The following CEP350 variants were observed in gnomAD, a reference collection of about 807,000 sequenced individuals.
CEP350 encodes centrosome-associated protein 350.
Under a neutral mutation model 331.8 loss-of-function variants are expected in CEP350, and 126 were observed. The observed-to-expected ratio is 0.38, with a 90% CI of 0.33 to 0.44. The LOEUF (loss-of-function observed/expected upper bound fraction) is 0.44, where lower values mean the gene tolerates loss of function less well. CEP350 is among the 20% of genes least tolerant of loss of function. The probability of loss-of-function intolerance (pLI) is 1.00; values close to 1 mark genes in which losing one functional copy is unlikely to be tolerated. For synonymous variants in CEP350, 1,200 were observed against 1,259.5 expected (o/e 0.95, Z 1.00); for missense variants, 3,406 against 3,634.6 (o/e 0.94, Z 1.62).
intron 5 of CEP350, among the ~76,000 whole-genome samples, chr1:179,992,840 T>C (rs1300736038): frequency 6.6e-6 from 1 of 152,234 alleles, no homozygotes; most frequent in Non-Finnish European, 1.5e-5. Context: ...ACTTTACTAA[T>C]GATTTCAGTG....
intron 11 of CEP350, 65 bp from the exon 12 acceptor site, chr1:180,019,884 A>T (rs1450802560): frequency 7.0e-7 from 1 of 1,438,796 alleles, no homozygotes; most frequent in Non-Finnish European, 9.3e-7. Flanking sequence ...TTATAATCAG[A>T]TAAAAAAAAA....
intron 5 of CEP350, among the ~76,000 whole-genome samples, chr1:179,993,743 T>A (rs1426272701): frequency 2.0e-5 from 3 of 152,134 alleles, no homozygotes; most frequent in African/African-American, 7.2e-5. Flanking sequence ...GCGGCTGGCC[T>A]GTAAATTATG....
At chr1:180,017,369 A>G (rs1398619128) in intron 11 of CEP350, among the ~76,000 whole-genome samples, 1 of 152,098 alleles carries the variant, frequency 6.6e-6, no homozygotes, top group African/African-American at 2.4e-5. Flanking sequence ...CTATTTATTT[A>G]CTTATTTTTC....
intron 28 of CEP350, among the ~76,000 whole-genome samples, chr1:180,075,457 A>G (rs1659159053): frequency 6.6e-6 from 1 of 152,088 alleles, no homozygotes; most frequent in African/African-American, 2.4e-5. Context: ...GTGGTGGTAC[A>G]TGCCTATAGT....
At chr1:180,072,212 AT>A (rs1209208767) in intron 27 of CEP350, among the ~76,000 whole-genome samples, 9 of 152,026 alleles carry the variant, frequency 5.9e-5, no homozygotes, top group African/African-American at 1.9e-4. Context: ...TTTTTAAACT[AT>A]TTTCATTTTC....
chr1:180,050,852 G>A (rs1382441710), intron 22 of CEP350, among the ~76,000 whole-genome samples: 1 of 152,038 alleles, frequency 6.6e-6, no homozygotes, highest in Non-Finnish European at 1.5e-5. Context: ...ATTACAAGAT[G>A]CCATAACACA....
chr1:179,994,987 A>T (rs895811824), intron 5 of CEP350, among the ~76,000 whole-genome samples: 1 of 152,216 alleles, frequency 6.6e-6, no homozygotes, highest in Non-Finnish European at 1.5e-5. Flanking sequence ...TCAGTGCTAT[A>T]CAATAGAACC....
intron 6 of CEP350, among the ~76,000 whole-genome samples, chr1:180,002,693 A>G (rs1198534342): frequency 6.6e-6 from 1 of 152,212 alleles, no homozygotes; most frequent in African/African-American, 2.4e-5. Context: ...GAAAAAACCC[A>G]AATGTCTATC....
chr1:179,994,155 T>A (rs1232428871), intron 5 of CEP350, among the ~76,000 whole-genome samples: 2 of 152,236 alleles, frequency 1.3e-5, no homozygotes, highest in African/African-American at 4.8e-5. Flanking sequence ...CATCCTTATA[T>A]GTATTCAGTA....
At chr1:179,997,258 A>G in intron 6 of CEP350, 83 bp downstream of exon 6, 4 of 1,441,270 alleles carry the variant, frequency 2.8e-6, no homozygotes, top group Non-Finnish European at 3.7e-6. Flanking sequence ...AGAGAGGATC[A>G]CCTTTAGAAC....
In CEP350 at chr1:180,020,023, C is replaced by A. The variant is rs745628557; in HGVS notation, c.2249C>A (p.Pro750His). Residue 750 changes from proline (P) to histidine (H), a missense_variant, in exon 12 of 38, where the codon CCT (proline) becomes CAT (histidine). By Grantham distance (77) the Pro-to-His change is moderately conservative (BLOSUM62 -2). Transcript: ENST00000367607. ...SPQVHHSQPQPFAGTAGSLLS... is the reference protein window; with the variant it reads ...SPQVHHSQPQHFAGTAGSLLS... Reference sequence around the variant, plus strand: ...CAAGTTCACCATTCTCAACCACAGCCTTTTGCTGGAACAGCTGGAAGTTTA... The same window carrying A: ...CAAGTTCACCATTCTCAACCACAGCATTTTGCTGGAACAGCTGGAAGTTTA... 2 of 1,613,842 alleles carry A rather than the reference C, an allele frequency of 1.2e-6. No individual in the cohort carries two copies. Among genetic ancestry groups the A allele is most frequent in the Admixed American group, 3.3e-5 (2 of 59,998 alleles).
intron 1 of CEP350, among the ~76,000 whole-genome samples, chr1:179,972,716 G>A (rs1265321117): frequency 6.6e-6 from 1 of 151,992 alleles, no homozygotes; most frequent in Non-Finnish European, 1.5e-5. Context: ...AAGCTGCCAG[G>A]AGGTCAAGTA....
Position 180,003,234 on chromosome 1 carries a change from A to C in CEP350, c.1079A>C (p.Glu360Ala), listed in dbSNP as rs1333534928. The C allele has an allele frequency of 1.9e-6, 3 of 1,613,248 alleles. No individual in the cohort carries two copies. In the African/African-American group the frequency reaches 4.0e-5, roughly 22 times the overall value. ...GATGGGAAAGTGTGGCAGGAGGCTG[A>C]GTTTCAAAACATGAGTAGAGAACTG... ...TPDGKVWQEA[E>A]FQNMSRELYR... is the part of the protein sequence containing the mutation. The change falls in exon 7 of 38, where the codon GAG (glutamate) becomes GCG (alanine). Residue 360 changes from glutamate (E) to alanine (A), a missense_variant. Physicochemically the swap from Glu to Ala is moderately radical, Grantham distance 107. This residue lies in a region of CEP350 where 1,857 missense variants were observed against 1,909.2 expected (regional missense o/e 0.97). Transcript: ENST00000367607.
intron 31 of CEP350, 76 bp from the exon 32 acceptor site, chr1:180,087,502 A>T (rs935226256): frequency 7.5e-7 from 1 of 1,328,090 alleles, no homozygotes; most frequent in Non-Finnish European, 1.0e-6. Context: ...ATTTTACCTT[A>T]AAATATACTA....
At position 180,024,477 on chromosome 1, in the gene CEP350, T is replaced by C; in HGVS notation, c.3445T>C (p.Ser1149Pro). The C allele has an allele frequency of 6.2e-7, 1 of 1,613,356 alleles. No homozygotes were observed. The highest frequency in any genetic ancestry group is 8.5e-7 in the Non-Finnish European group (1 of 1,179,596). ...CAGAAAGTCTGCCTATGATCCTTCCTCTGTGGATGTTACCTCCCAGCATTC... is the reference window on the plus strand; with the variant it reads ...CAGAAAGTCTGCCTATGATCCTTCCCCTGTGGATGTTACCTCCCAGCATTC... ...SNRKSAYDPS[S>P]VDVTSQHSSG... The change falls in exon 14 of 38, where the codon TCT becomes CCT. Residue 1149 changes from serine (S) to proline (P), a missense_variant. Physicochemically the swap from Ser to Pro is moderately conservative, Grantham distance 74 (BLOSUM62 -1). Coordinates refer to ENST00000367607, the MANE Select transcript of CEP350 (RefSeq NM_014810.5).
intron 3 of CEP350, among the ~76,000 whole-genome samples, chr1:179,988,902 A>G (rs1295864747): frequency 2.0e-5 from 3 of 152,100 alleles, no homozygotes; most frequent in African/African-American, 2.4e-5. Context: ...AGCAATATAT[A>G]TTCTCTTTCT....
intron 1 of CEP350, among the ~76,000 whole-genome samples, chr1:179,960,399 T>G (rs1650514658): frequency 6.6e-6 from 1 of 152,156 alleles, no homozygotes; most frequent in Admixed American, 6.5e-5. Flanking sequence ...GAAATGATAT[T>G]GAATGAAACT....
At chr1:180,041,602 T>C (rs1656761144) in intron 18 of CEP350, 60 bp from the exon 19 acceptor site, 10 of 1,427,320 alleles carry the variant, frequency 7.0e-6, no homozygotes, top group Non-Finnish European at 8.5e-6. Flanking sequence ...AAATTAAAAT[T>C]AATTCAGGAG....
intron 27 of CEP350, among the ~76,000 whole-genome samples, chr1:180,066,016 C>A (rs1658528545): frequency 6.6e-6 from 1 of 151,908 alleles, no homozygotes; most frequent in Admixed American, 6.6e-5. Context: ...GGTATGAGTT[C>A]CTTAGCTGAA....
Sources: allele counts gnomAD v4.1 joint callset (sites outside exome capture counted in the v4.1 genomes callset), GRCh38; gene constraint gnomAD v4.1.1; regional missense constraint gnomAD v4.1.1; transcripts MANE v1.5; gene names NCBI Gene and HGNC (gene_info 2026-07-23, HGNC 2026-07-21).